Variants in BTBD8 observed in about 807,000 individuals in gnomAD.
BTBD8 encodes the protein BTB/POZ domain-containing protein 8.
A neutral mutation model predicts 162.9 loss-of-function variants in BTBD8; 110 were observed. That is an observed-to-expected ratio of 0.68 (90% CI 0.58 to 0.79). The LOEUF (loss-of-function observed/expected upper bound fraction) is 0.79, where lower values mean the gene tolerates loss of function less well. Among genes scored for constraint, BTBD8 ranks in the 30% least tolerant of loss-of-function variants. The pLI, the probability that BTBD8 is intolerant of heterozygous loss-of-function variation, is 0.00. For synonymous variants in BTBD8, 667 were observed against 716.1 expected, an observed-to-expected ratio of 0.93 and a Z score of 1.10; for missense variants, 1,905 against 2,085.4, an observed-to-expected ratio of 0.91 and a Z score of 1.68.
At chr1:92,133,625 A>T (rs1299257161) in intron 5 of BTBD8, among the ~76,000 whole-genome samples, 1 of 152,234 alleles carries the variant, frequency 6.6e-6, no homozygotes, top group Non-Finnish European at 1.5e-5. Context: ...TAATGCACAT[A>T]GTATTTTTCA....
At position 92,177,849 on chromosome 1, in the gene BTBD8, A is replaced by G; in HGVS notation, c.2392A>G (p.Thr798Ala). ...SRPVSRVTNG[T>A]SNKKSIHEQD... ...ACCTGTTTCAAGAGTTACCAATGGAACTTCCAATAAAAAAAGTATTCATGA... is the reference window on the plus strand; with the variant it reads ...ACCTGTTTCAAGAGTTACCAATGGAGCTTCCAATAAAAAAAGTATTCATGA... Residue 798 changes from threonine to alanine, a missense_variant, in exon 15 of 18, where the codon ACT becomes GCT. By Grantham distance (58) the Thr-to-Ala change is moderately conservative (BLOSUM62 0). Around this residue, in one of 3 missense-constraint regions of BTBD8, gnomAD observed 1,374 missense variants for 1,442.7 expected, o/e 0.95. Transcript: ENST00000636805. The G allele has an allele frequency of 6.5e-7, 1 of 1,544,614 alleles. No individual in the cohort carries two copies. The highest frequency in any genetic ancestry group is 8.8e-7 in the Non-Finnish European group (1 of 1,140,994).
intron 9 of BTBD8, among the ~76,000 whole-genome samples, chr1:92,164,253 G>A (rs919058227): frequency 3.9e-5 from 6 of 152,058 alleles, no homozygotes; most frequent in East Asian, 1.9e-4. Context: ...TTGGGAGGCC[G>A]AGGTGGGAGG....
intron 9 of BTBD8, among the ~76,000 whole-genome samples, chr1:92,163,132 A>G (rs972187824): frequency 8.6e-5 from 13 of 152,008 alleles, no homozygotes; most frequent in Admixed American, 6.6e-4. Flanking sequence ...AGTCAGGCAG[A>G]TCACGAGGTC....
chr1:92,087,923 A>G (rs1475060436), intron 1 of BTBD8, among the ~76,000 whole-genome samples: 1 of 152,204 alleles, frequency 6.6e-6, no homozygotes, highest in East Asian at 1.9e-4. Flanking sequence ...AGAGAGTAAA[A>G]TAGTTACTGC....
Position 92,099,796 on chromosome 1 carries a change from A to G in BTBD8, c.348-2677A>G, listed in dbSNP as rs181839735. ...GATTTCCAAGGATTTTATCTATACA[A>G]ATTTGTCATCTATAAATAAAGATAG... On this transcript the variant is annotated intron_variant, in intron 2 of 17. Coordinates refer to ENST00000636805, the MANE Select transcript of BTBD8 (RefSeq NM_001376131.1). Among the ~76,000 whole-genome samples, 275 of 152,318 alleles carry G rather than the reference A, an allele frequency of 1.8e-3. 1 individual carries two copies. The highest frequency in any genetic ancestry group is 3.2e-3 in the Non-Finnish European group (219 of 68,028).
chr1:92,124,781 A>G (rs1279946050), intron 4 of BTBD8, among the ~76,000 whole-genome samples: 1 of 152,192 alleles, frequency 6.6e-6, no homozygotes, highest in Admixed American at 6.5e-5. Flanking sequence ...TTTATTTGAG[A>G]AGATAGAATG....
At chr1:92,162,803 A>G (rs1269138805) in intron 9 of BTBD8, among the ~76,000 whole-genome samples, 4 of 152,194 alleles carry the variant, frequency 2.6e-5, no homozygotes. Flanking sequence ...GGTTAAGAGA[A>G]GTAGTATTGA....
Position 92,177,297 on chromosome 1 carries a change from G to C in BTBD8, c.2104G>C (p.Val702Leu). 6.4e-7 allele frequency: 1 copy of C among 1,552,052 alleles called. No individual in the cohort carries two copies. The highest frequency in any genetic ancestry group is 8.7e-7 in the Non-Finnish European group (1 of 1,147,086). The change falls in exon 14 of 18, where the codon GTG becomes CTG. Residue 702 changes from valine (V) to leucine (L), a missense_variant. This residue lies in a region of BTBD8 where 1,374 missense variants were observed against 1,442.7 expected (regional missense o/e 0.95). Transcript: ENST00000636805. ...CAAGGTACTCACAGGAAACTTAAAT[G>C]TGCAAGCCAAAGCAAAGCCTTTGAA... The part of the protein sequence containing the change: ...RPKVLTGNLN[V>L]QAKAKPLKKA...
At chr1:92,166,123 TC>T (rs1232515929) in intron 9 of BTBD8, among the ~76,000 whole-genome samples, 1 of 152,186 alleles carries the variant, frequency 6.6e-6, no homozygotes, top group Non-Finnish European at 1.5e-5. Flanking sequence ...AATGTTTTTT[TC>T]CATAGTAATG....
At chr1:92,135,365 A>G (rs1195177176) in intron 5 of BTBD8, among the ~76,000 whole-genome samples, 11 of 152,146 alleles carry the variant, frequency 7.2e-5, no homozygotes, top group African/African-American at 2.2e-4. Flanking sequence ...TTTTATTTTT[A>G]GTAGAGACAG....
chr1:92,143,139 AAG>A (rs1649816579), intron 7 of BTBD8, among the ~76,000 whole-genome samples: 1 of 152,204 alleles, frequency 6.6e-6, no homozygotes, highest in Non-Finnish European at 1.5e-5. Flanking sequence ...GGATGGGAAA[AAG>A]GGGAGATTTG....
At chr1:92,153,208 T>A (rs1300748371) in intron 9 of BTBD8, among the ~76,000 whole-genome samples, 1 of 152,124 alleles carries the variant, frequency 6.6e-6, no homozygotes, top group Non-Finnish European at 1.5e-5. Context: ...TTTAAAAAAA[T>A]TTCTTGTGTG....
intron 2 of BTBD8, among the ~76,000 whole-genome samples, chr1:92,101,744 C>T (rs749581493): frequency 2.6e-5 from 4 of 152,250 alleles, no homozygotes; most frequent in Middle Eastern, 3.4e-3. Flanking sequence ...GTTGCCCTGA[C>T]TGGAGTGCAG....
In BTBD8 at chr1:92,130,825, C is replaced by T. The variant is rs537870488; in HGVS notation, c.752+1049C>T. ...TCAAGTGATTTTCCTGCCTCAGCCT[C>T]CTGAGTAGCTGGGATTACAGGCATG... is the stretch of plus-strand genomic sequence containing the variant. On this transcript the variant is annotated intron_variant, in intron 5 of 17. Coordinates refer to ENST00000636805, the MANE Select transcript of BTBD8 (RefSeq NM_001376131.1). Among the ~76,000 whole-genome samples the T allele has an allele frequency of 4.1e-3, 619 of 152,240 alleles. 3 individuals carry two copies. The highest frequency in any genetic ancestry group is 5.8e-3 in the Non-Finnish European group (393 of 68,012).
chr1:92,133,708 C>T (rs1206658500), intron 5 of BTBD8, among the ~76,000 whole-genome samples: 1 of 152,210 alleles, frequency 6.6e-6, no homozygotes, highest in African/African-American at 2.4e-5. Flanking sequence ...CAGTGGCTCA[C>T]GCCTGTAATC....
At chr1:92,145,366 C>G (rs1428531201) in intron 7 of BTBD8, among the ~76,000 whole-genome samples, 1 of 152,108 alleles carries the variant, frequency 6.6e-6, no homozygotes, top group Non-Finnish European at 1.5e-5. Context: ...AATCACTGAC[C>G]TTACCAGAAG....
chr1:92,100,495 C>T (rs1257976043), intron 2 of BTBD8, among the ~76,000 whole-genome samples: 1 of 152,058 alleles, frequency 6.6e-6, no homozygotes, highest in Non-Finnish European at 1.5e-5. Flanking sequence ...AATCCCTTTA[C>T]TTGTTATAGG....
chr1:92,178,470 T>G lies in BTBD8; in HGVS notation c.2581+19T>G. On this transcript the variant is annotated intron_variant, in intron 16 of 17. Coordinates refer to ENST00000636805, the MANE Select transcript of BTBD8 (RefSeq NM_001376131.1). Reference sequence around the variant, plus strand: ...ACTCAAGGTAAAGCTGAAATAGTACTGGATATCTTGAAATTATTTCCTTGT... The same window carrying G: ...ACTCAAGGTAAAGCTGAAATAGTACGGGATATCTTGAAATTATTTCCTTGT... 6.5e-7 allele frequency: 1 copy of G among 1,529,364 alleles called. No individual in the cohort carries two copies. The highest frequency in any genetic ancestry group is 8.8e-7 in the Non-Finnish European group (1 of 1,136,118). 94.7% of individuals were successfully genotyped at this position (1,529,364 alleles called of 1,614,324 possible).
In BTBD8 at chr1:92,147,771, G is replaced by A; in HGVS notation, c.1107G>A (p.Met369Ile). ...PPEIQKSCLN[M>I]LIQSLNDKNA... Reference sequence around the variant, plus strand: ...AGATTCAGAAAAGTTGTCTTAATATGTTGATTCAGTCCTTAGTAAGTATAA... The same window carrying A: ...AGATTCAGAAAAGTTGTCTTAATATATTGATTCAGTCCTTAGTAAGTATAA... The change falls in exon 9 of 18, where the codon ATG becomes ATA. Residue 369 changes from methionine to isoleucine, a missense_variant. Coordinates refer to ENST00000636805, the MANE Select transcript of BTBD8 (RefSeq NM_001376131.1). The A allele has an allele frequency of 6.2e-7, 1 of 1,612,816 alleles. No homozygotes were observed. Among genetic ancestry groups the A allele is most frequent in the Non-Finnish European group, 8.5e-7 (1 of 1,179,306 alleles).
Sources: allele counts gnomAD v4.1 joint callset (sites outside exome capture counted in the v4.1 genomes callset), GRCh38; gene constraint gnomAD v4.1.1; regional missense constraint gnomAD v4.1.1; transcripts MANE v1.5; gene names NCBI Gene and HGNC (gene_info 2026-07-23, HGNC 2026-07-21).